Variants in STK3 observed in about 807,000 individuals in gnomAD.
The protein encoded by STK3 is serine/threonine kinase 3, also known as serine/threonine-protein kinase 3.
Under a neutral mutation model 58.0 loss-of-function variants are expected in STK3, and 41 were observed. That is an observed-to-expected ratio of 0.71 (90% CI 0.55 to 0.92). The LOEUF (loss-of-function observed/expected upper bound fraction) is 0.92, where lower values mean the gene tolerates loss of function less well. Ranked by LOEUF, STK3 falls within the 40% of genes least tolerant of loss-of-function variation. The pLI is 0.00. For missense variants in STK3, 479 were observed against 602.7 expected (o/e 0.79, Z 2.15); for synonymous variants, 170 against 191.0 (o/e 0.89, Z 0.91).
At chr8:98,476,486 C>T (rs1163503249) in intron 10 of STK3, among the ~76,000 whole-genome samples, 2 of 152,112 alleles carry the variant, frequency 1.3e-5, no homozygotes, top group Non-Finnish European at 2.9e-5. Flanking sequence ...TCTGCGGCCC[C>T]CTGAAAAGCA....
At chr8:98,692,160 C>T (rs1302774205) in intron 6 of STK3, among the ~76,000 whole-genome samples, 1 of 152,058 alleles carries the variant, frequency 6.6e-6, no homozygotes, top group Non-Finnish European at 1.5e-5. Flanking sequence ...GAAACTGGAA[C>T]TCTTGTACAT....
Position 98,616,958 on chromosome 8 carries a change from G to A in STK3, c.685-20789C>T, listed in dbSNP as rs146651851. ...AATTTAACTCATCTCCGCACCAAGCGGACCTAATAGACATCTACAGAACTC... is the reference window on the plus strand; with the variant it reads ...AATTTAACTCATCTCCGCACCAAGCAGACCTAATAGACATCTACAGAACTC... On this transcript the variant is annotated intron_variant, in intron 6 of 10. Transcript: ENST00000419617. Among the ~76,000 whole-genome samples, 1,035 of 152,128 alleles carry A rather than the reference G, an allele frequency of 6.8e-3. 9 individuals are homozygous for A. Among genetic ancestry groups the A allele is most frequent in the African/African-American group, 0.023 (963 of 41,484 alleles).
At chr8:98,369,715 C>T (rs1011224578), downstream of STK3, among the ~76,000 whole-genome samples, 44 of 152,156 alleles carry the variant, frequency 2.9e-4, no homozygotes, top group African/African-American at 1.1e-3. Flanking sequence ...ACAAGAGGCT[C>T]TGTTGAGTCA....
chr8:98,641,023 T>A (rs1819979379), intron 6 of STK3, among the ~76,000 whole-genome samples: 1 of 151,594 alleles, frequency 6.6e-6, no homozygotes, highest in Non-Finnish European at 1.5e-5. Flanking sequence ...CTACTATATA[T>A]AATACTGGCT....
intron 1 of STK3, among the ~76,000 whole-genome samples, chr8:98,779,936 G>C (rs1458476568): frequency 7.1e-6 from 1 of 141,280 alleles, no homozygotes; most frequent in Non-Finnish European, 1.5e-5. Flanking sequence ...ATAAGTCAAT[G>C]AATGAATAAG....
chr8:98,749,111 A>G (rs1445274345), intron 4 of STK3, among the ~76,000 whole-genome samples, 165 bp downstream of exon 4: 1 of 152,014 alleles, frequency 6.6e-6, no homozygotes, highest in Non-Finnish European at 1.5e-5. Flanking sequence ...TGTTACAGAA[A>G]GATATGTGGC....
At chr8:98,751,884 G>A (rs187297120) in intron 3 of STK3, among the ~76,000 whole-genome samples, 1 of 152,090 alleles carries the variant, frequency 6.6e-6, no homozygotes, top group African/African-American at 2.4e-5. Context: ...AGGTTGCAGT[G>A]AGCTGAGATT....
intron 3 of STK3, 146 bp downstream of exon 3, chr8:98,767,097 G>A: frequency 1.0e-6 from 1 of 954,858 alleles, no homozygotes; most frequent in South Asian, 2.1e-5. Context: ...CTCCAGCCTG[G>A]GCAACAACGG....
chr8:98,638,894 A>C (rs1392234597), intron 6 of STK3, among the ~76,000 whole-genome samples: 5 of 152,156 alleles, frequency 3.3e-5, no homozygotes, highest in Non-Finnish European at 7.4e-5. Flanking sequence ...TGGTTATATA[A>C]AAATCTTATT....
intron 3 of STK3, among the ~76,000 whole-genome samples, chr8:98,860,525 T>G (rs1467718496): frequency 1.3e-5 from 2 of 152,162 alleles, no homozygotes; most frequent in African/African-American, 4.8e-5. Context: ...AAGACCTTGT[T>G]CTTCCTTTTG....
intron 7 of STK3, among the ~76,000 whole-genome samples, chr8:98,589,190 C>A (rs1389756731): frequency 1.3e-5 from 2 of 152,170 alleles, no homozygotes; most frequent in Non-Finnish European, 2.9e-5. Flanking sequence ...TTTAGAGTTT[C>A]CAGTTTTTCT....
intron 1 of STK3, among the ~76,000 whole-genome samples, chr8:98,799,600 G>A (rs1436065977): frequency 1.3e-5 from 2 of 152,068 alleles, no homozygotes; most frequent in African/African-American, 4.8e-5. Flanking sequence ...AACTGGACCG[G>A]CACCTGCACC....
intron 10 of STK3, among the ~76,000 whole-genome samples, chr8:98,456,878 C>A (rs540614546): frequency 6.6e-6 from 1 of 152,354 alleles, no homozygotes; most frequent in African/African-American, 2.4e-5. Flanking sequence ...TCCTTTTACT[C>A]GCCATCCCTG....
chr8:98,375,280 A>C (rs1364489688), intron 2 of STK3, among the ~76,000 whole-genome samples: 9 of 146,218 alleles, frequency 6.2e-5, no homozygotes, highest in East Asian at 3.9e-4. Context: ...ACAAAAAAAA[A>C]CAAAAAAAAA....
At chr8:98,385,628 C>T (rs1230262166) in intron 1 of STK3, among the ~76,000 whole-genome samples, 2 of 152,092 alleles carry the variant, frequency 1.3e-5, no homozygotes, top group Non-Finnish European at 2.9e-5. Flanking sequence ...CTTCGCAGTG[C>T]CCCCGTCCGT....
chr8:98,534,922 G>A (rs1809633454), intron 9 of STK3, among the ~76,000 whole-genome samples: 1 of 152,138 alleles, frequency 6.6e-6, no homozygotes, highest in African/African-American at 2.4e-5. Flanking sequence ...GGAGAAGGGG[G>A]ATAATCCCTT....
intron 1 of STK3, among the ~76,000 whole-genome samples, chr8:98,917,104 A>G (rs927131654): frequency 6.6e-6 from 1 of 152,256 alleles, no homozygotes; most frequent in Admixed American, 6.5e-5. Context: ...GGAGAGGGAC[A>G]GAGGATGAAG....
At chr8:98,346,359 A>G in the STK3 span, among the ~76,000 whole-genome samples, 1 of 151,838 alleles carries the variant, frequency 6.6e-6, no homozygotes, top group East Asian at 1.9e-4. Flanking sequence ...CTGTCATTGG[A>G]GCACCAAAGG....
At chr8:98,716,135 G>C (rs1189765269) in intron 4 of STK3, among the ~76,000 whole-genome samples, 1 of 152,154 alleles carries the variant, frequency 6.6e-6, no homozygotes, top group African/African-American at 2.4e-5. Context: ...GGCCTGTTGT[G>C]GGGTGTGGGG....
Sources: gnomAD v4.1 joint callset for allele counts (sites outside exome capture counted in the v4.1 genomes callset) on GRCh38, gnomAD v4.1.1 for gene constraint, MANE v1.5 for transcripts, NCBI Gene and HGNC (gene_info 2026-07-23, HGNC 2026-07-21) for gene names.